Variants in MEGF11 observed in about 807,000 individuals in gnomAD.
The protein encoded by MEGF11 is multiple EGF like domains 11.
A neutral mutation model predicts 146.6 loss-of-function variants in MEGF11; 126 were observed. The ratio of observed to expected loss-of-function variants is 0.86; its 90% CI spans 0.74 to 1.00. The LOEUF (loss-of-function observed/expected upper bound fraction) is 1.00. Among genes scored for constraint, MEGF11 ranks in the 50% least tolerant of loss-of-function variants. The probability of loss-of-function intolerance (pLI) is 0.00; values close to 1 mark genes in which losing one functional copy is unlikely to be tolerated. For synonymous variants in MEGF11, 532 were observed against 583.4 expected (o/e 0.91, Z 1.27); for missense variants, 1,509 against 1,521.2 (o/e 0.99, Z 0.13).
chr15:66,238,577 C>T (rs1028250573), intron 1 of MEGF11, among the ~76,000 whole-genome samples: 7 of 152,180 alleles, frequency 4.6e-5, no homozygotes, highest in Non-Finnish European at 1.0e-4. Context: ...TCACTGTGTG[C>T]CAGGCCAGGT....
intron 1 of MEGF11, among the ~76,000 whole-genome samples, chr15:66,131,183 T>A (rs2088631194): frequency 6.6e-6 from 1 of 152,220 alleles, no homozygotes; most frequent in Non-Finnish European, 1.5e-5. Flanking sequence ...CCTGATGGAC[T>A]GGGCAGGGCG....
chr15:66,063,656 C>G (rs1161029262), intron 5 of MEGF11, among the ~76,000 whole-genome samples: 1 of 152,200 alleles, frequency 6.6e-6, no homozygotes, highest in Non-Finnish European at 1.5e-5. Context: ...TTAGGAGAGA[C>G]AGACCCCAAA....
At chr15:65,989,046 C>A (rs1219717541) in intron 5 of MEGF11, among the ~76,000 whole-genome samples, 1 of 152,220 alleles carries the variant, frequency 6.6e-6, no homozygotes, top group Non-Finnish European at 1.5e-5. Context: ...TGCTTGAGAT[C>A]TACCCATGGC....
At chr15:66,126,933 A>T (rs2088378620) in intron 2 of MEGF11, among the ~76,000 whole-genome samples, 1 of 152,204 alleles carries the variant, frequency 6.6e-6, no homozygotes, top group South Asian at 2.1e-4. Context: ...GACTTTTTCG[A>T]ATGCACCTCC....
chr15:66,018,209 C>T (rs1047159711), intron 5 of MEGF11, among the ~76,000 whole-genome samples: 1 of 152,178 alleles, frequency 6.6e-6, no homozygotes, highest in Admixed American at 6.5e-5. Context: ...TCTCGGGGTC[C>T]ATGGAGCCCC....
At chr15:65,994,528 G>A (rs1005926366) in intron 5 of MEGF11, among the ~76,000 whole-genome samples, 1 of 152,192 alleles carries the variant, frequency 6.6e-6, no homozygotes, top group African/African-American at 2.4e-5. Flanking sequence ...AAAGAGGAGT[G>A]AGAGAGGAGT....
chr15:66,102,225 T>G (rs1167769048), intron 4 of MEGF11, among the ~76,000 whole-genome samples: 1 of 1,586 alleles, frequency 6.3e-4, no homozygotes, highest in Non-Finnish European at 0.013. Flanking sequence ...GCCGAGCTGT[T>G]CGAACCACCA....
At position 66,137,064 on chromosome 15, in the gene MEGF11, T is replaced by A. The variant is rs573941626; in HGVS notation, c.-8-8653A>T. 2.0e-5 allele frequency among the ~76,000 whole-genome samples: 3 copies of A among 152,300 alleles called. No individual in the cohort carries two copies. The East Asian group carries it at 5.8e-4, about 29-fold the overall frequency. The stretch of plus-strand genomic sequence containing the variant: ...GAAAGAGAGATGCTTGCCACAGCAC[T>A]GAAGCAACCTAAATGCCCATGAATG... On this transcript the variant is annotated intron_variant, in intron 1 of 25. Transcript: ENST00000395614.
rs1009750827 is a variant in MEGF11 at position 66,237,639 on chromosome 15, A to C, written c.-9+15966T>G. Among the ~76,000 whole-genome samples, 9 of 152,074 alleles carry C rather than the reference A, an allele frequency of 5.9e-5. No individual in the cohort carries two copies. The East Asian group carries it at 1.5e-3, about 26-fold the overall frequency. ...AATAACAACAGGACCTCCTTCCTGG[A>C]GTAGTTTGGGAGAATTGAATGAGTA... is the stretch of plus-strand genomic sequence containing the variant. On this transcript the variant is annotated intron_variant, in intron 1 of 25. Transcript: ENST00000395614.
At chr15:66,105,999 G>T (rs928179322) in intron 4 of MEGF11, among the ~76,000 whole-genome samples, 1 of 152,186 alleles carries the variant, frequency 6.6e-6, no homozygotes, top group African/African-American at 2.4e-5. Flanking sequence ...TCTGGCCAGG[G>T]GAGGGAGGAG....
chr15:66,118,118 G>A (rs991372303), intron 4 of MEGF11, among the ~76,000 whole-genome samples: 5 of 152,136 alleles, frequency 3.3e-5, no homozygotes, highest in African/African-American at 1.2e-4. Flanking sequence ...CTTTGGGGGT[G>A]GAATCTCTTC....
rs1235644425 is a variant in MEGF11 at position 66,076,230 on chromosome 15, A to G, written c.394+18172T>C. 2.6e-5 allele frequency among the ~76,000 whole-genome samples: 4 copies of G among 151,774 alleles called. No individual in the cohort carries two copies. The East Asian group carries it at 7.8e-4, about 29-fold the overall frequency. On this transcript the variant is annotated intron_variant, in intron 5 of 25. Coordinates refer to ENST00000395614, the MANE Select transcript of MEGF11 (RefSeq NM_001385028.1). ...GATGGATGGATGGATGGATGGATGG[A>G]TGGATGGATGGATGGATGGATGCAT...
chr15:65,939,174 T>A (rs2141361252), intron 10 of MEGF11, among the ~76,000 whole-genome samples: 1 of 152,318 alleles, frequency 6.6e-6, no homozygotes, highest in South Asian at 2.1e-4. Context: ...CAAGGTGGCA[T>A]GAGCCTGCCA....
intron 2 of MEGF11, among the ~76,000 whole-genome samples, chr15:66,126,645 A>T (rs1012048793): frequency 4.6e-5 from 7 of 152,172 alleles, no homozygotes; most frequent in African/African-American, 1.7e-4. Context: ...AGCAGCTGCA[A>T]AGGAGGCACT....
intron 1 of MEGF11, among the ~76,000 whole-genome samples, chr15:66,239,048 A>C (rs2092155691): frequency 6.6e-6 from 1 of 152,232 alleles, no homozygotes; most frequent in Admixed American, 6.5e-5. Flanking sequence ...AAGTTGAGTC[A>C]CTTGCCCAAG....
chr15:66,050,618 G>A (rs2140346788), intron 5 of MEGF11, among the ~76,000 whole-genome samples: 1 of 152,332 alleles, frequency 6.6e-6, no homozygotes, highest in South Asian at 2.1e-4. Context: ...AGCCATCGGA[G>A]GCCTGGCATG....
chr15:66,246,631 C>G (rs1310448762), intron 1 of MEGF11, among the ~76,000 whole-genome samples: 4 of 151,266 alleles, frequency 2.6e-5, no homozygotes, highest in Non-Finnish European at 5.9e-5. Flanking sequence ...ATGGCAAAAC[C>G]CCATCTCCAC....
chr15:65,936,374 C>T (rs1365399923), intron 10 of MEGF11, among the ~76,000 whole-genome samples: 1 of 152,140 alleles, frequency 6.6e-6, no homozygotes, highest in Admixed American at 6.5e-5. Flanking sequence ...GAGCTTGGGC[C>T]CCTGCTGGTA....
intron 1 of MEGF11, among the ~76,000 whole-genome samples, chr15:66,160,299 G>A (rs563839614): frequency 1.4e-5 from 2 of 144,478 alleles, no homozygotes; most frequent in East Asian, 2.3e-4. Flanking sequence ...TGCCTAGAAC[G>A]TGGATGTGAT....
Sources: gnomAD v4.1 joint callset for allele counts (sites outside exome capture counted in the v4.1 genomes callset) on GRCh38, gnomAD v4.1.1 for gene constraint, MANE v1.5 for transcripts, NCBI Gene and HGNC (gene_info 2026-07-23, HGNC 2026-07-21) for gene names.